The following LASP1 variants were observed in gnomAD, a reference collection of about 807,000 sequenced individuals.
LASP1 encodes LIM and SH3 protein 1.
In LASP1, 10 loss-of-function variants were observed where a neutral mutation model predicts 38.6. That is an observed-to-expected ratio of 0.26 (90% confidence interval 0.16 to 0.44). The LOEUF (loss-of-function observed/expected upper bound fraction) is 0.44, where lower values mean the gene tolerates loss of function less well. LASP1 is among the 20% of genes least tolerant of loss of function. LASP1 has a pLI of 1.00. For synonymous variants in LASP1, 132 were observed against 140.8 expected, an observed-to-expected ratio of 0.94 and a Z score of 0.44; for missense variants, 243 against 375.7, an observed-to-expected ratio of 0.65 and a Z score of 2.92.
chr17:38,886,283 G>A (rs1385900814), intron 2 of LASP1, among the ~76,000 whole-genome samples: 1 of 152,038 alleles, frequency 6.6e-6, no homozygotes, highest in Non-Finnish European at 1.5e-5. Flanking sequence ...TCTCGCCAGG[G>A]CTGGGGGCTG....
At chr17:38,897,371 T>C (rs1914517992) in intron 3 of LASP1, among the ~76,000 whole-genome samples, 1 of 152,230 alleles carries the variant, frequency 6.6e-6, no homozygotes, top group South Asian at 2.1e-4. Flanking sequence ...CCTGGGTTTG[T>C]GTCCTGGGCT....
Position 38,894,999 on chromosome 17 carries a change from A to G in LASP1, c.250-3413A>G, listed in dbSNP as rs569965353. Reference sequence around the variant, plus strand: ...GTGATCTGCCCACCTCAGCCTCCCAAAGTGCTGGGATTACAGGTGTCAGCC... The same window carrying G: ...GTGATCTGCCCACCTCAGCCTCCCAGAGTGCTGGGATTACAGGTGTCAGCC... On this transcript the variant is annotated intron_variant, in intron 3 of 6. Transcript: ENST00000318008. Among the ~76,000 whole-genome samples, 4 of 152,120 alleles carry G rather than the reference A, an allele frequency of 2.6e-5. No individual in the cohort carries two copies. The South Asian group carries it at 8.3e-4, about 32-fold the overall frequency.
Position 38,921,121 on chromosome 17 carries a change from G to C in LASP1, c.*2343G>C. 4.3e-6 allele frequency: 1 copy of C among 229,894 alleles called. No individual in the cohort carries two copies. Among genetic ancestry groups the C allele is most frequent in the Admixed American group, 5.7e-5 (1 of 17,676 alleles). 14.2% of individuals were successfully genotyped at this position (229,894 alleles called of 1,614,324 possible). On this transcript the variant is annotated 3_prime_UTR_variant, in exon 7 of 7. Coordinates refer to ENST00000318008, the MANE Select transcript of LASP1 (RefSeq NM_006148.4). ...CTGTCACACTGGTGCTGAGTGACCG[G>C]GGGCTGCTGGGCGTCTGTTCTTTAC...
chr17:38,889,544 C>T (rs1020859555), intron 2 of LASP1, among the ~76,000 whole-genome samples: 3 of 152,324 alleles, frequency 2.0e-5, no homozygotes, highest in Non-Finnish European at 4.4e-5. Context: ...GAAAATTCCA[C>T]ACCTGGCCTC....
chr17:38,912,849 C>T (rs1366561860), intron 4 of LASP1, among the ~76,000 whole-genome samples: 3 of 152,226 alleles, frequency 2.0e-5, no homozygotes, highest in African/African-American at 2.4e-5. Flanking sequence ...GGCGCCGAGG[C>T]TCTGGACACA....
At chr17:38,882,754 C>T (rs1264080278) in intron 2 of LASP1, among the ~76,000 whole-genome samples, 1 of 152,196 alleles carries the variant, frequency 6.6e-6, no homozygotes, top group Non-Finnish European at 1.5e-5. Context: ...GTTCCCTCCT[C>T]TTTAGGGCCC....
At chr17:38,900,381 A>AAAAAAAAAG (rs1914609164) in intron 4 of LASP1, among the ~76,000 whole-genome samples, 1 of 34,172 alleles carries the variant, frequency 2.9e-5, no homozygotes, top group African/African-American at 9.6e-5. Flanking sequence ...CCCTGTTTCC[A>AAAAAAAAAG]AAAAAAAAAA....
rs558163953 is a variant in LASP1 at position 38,886,133 on chromosome 17, T to A, written c.165-4287T>A. ...CTCACTCGCTCTCTCACTCTCACTCTCTCTCTCTCTCTCTCTGTCTCGCTC... is the reference window on the plus strand; with the variant it reads ...CTCACTCGCTCTCTCACTCTCACTCACTCTCTCTCTCTCTCTGTCTCGCTC... On this transcript the variant is annotated intron_variant, in intron 2 of 6. Coordinates refer to ENST00000318008, the MANE Select transcript of LASP1 (RefSeq NM_006148.4). 2.0e-5 allele frequency among the ~76,000 whole-genome samples: 3 copies of A among 151,188 alleles called. No individual in the cohort carries two copies. In the South Asian group the frequency reaches 6.3e-4, roughly 32 times the overall value.
chr17:38,876,917 A>C (rs1913797093), intron 1 of LASP1, among the ~76,000 whole-genome samples: 1 of 151,286 alleles, frequency 6.6e-6, no homozygotes, highest in Non-Finnish European at 1.5e-5. Context: ...GTTAGCCAGG[A>C]TGGTCTCGAT....
At position 38,890,459 on chromosome 17, in the gene LASP1, C is replaced by T. The variant is rs959025153; in HGVS notation, c.204C>T (p.Thr68=). 1.3e-5 allele frequency: 21 copies of T among 1,613,952 alleles called. No individual in the cohort carries two copies. The highest frequency in any genetic ancestry group is 1.8e-5 in the Non-Finnish European group (21 of 1,180,008). The change falls in exon 3 of 7, where the codon ACC becomes ACT. Residue 68 remains threonine (T), a synonymous_variant. Transcript: ENST00000318008. ...AGTCCTTCACCATGGTGGCGGACAC[C>T]CCGGAAAACCTTCGCCTCAAGCAAC... ...PKQSFTMVAD[T]PENLRLKQQS...
intron 2 of LASP1, among the ~76,000 whole-genome samples, chr17:38,879,692 C>T (rs1913886210): frequency 6.6e-6 from 1 of 151,910 alleles, no homozygotes; most frequent in Non-Finnish European, 1.5e-5. Flanking sequence ...CTAACCTTAC[C>T]CCAAACCTTC....
chr17:38,898,268 C>T, intron 3 of LASP1, 144 bp from the exon 4 acceptor site: 1 of 587,056 alleles, frequency 1.7e-6, no homozygotes, highest in Non-Finnish European at 3.0e-6. Flanking sequence ...GAGGCCTCTG[C>T]TTTGAGTTGG....
In LASP1 at chr17:38,878,206, T is replaced by C. The variant is rs773924780; in HGVS notation, c.164+26T>C. 16 of 1,544,846 alleles carry C rather than the reference T, an allele frequency of 1.0e-5. No homozygotes were observed. The East Asian group carries it at 3.2e-4, about 30-fold the overall frequency. Reference sequence around the variant, plus strand: ...GTGAGTCCTGTTCTGGGCAGGGGGCTGGGTGGGCACCTTGGCTCCCTCCCC... The same window carrying C: ...GTGAGTCCTGTTCTGGGCAGGGGGCCGGGTGGGCACCTTGGCTCCCTCCCC... On this transcript the variant is annotated intron_variant, in intron 2 of 6. Coordinates refer to ENST00000318008, the MANE Select transcript of LASP1 (RefSeq NM_006148.4).
chr17:38,874,330 G>A (rs1040717886), intron 1 of LASP1, among the ~76,000 whole-genome samples: 1 of 152,184 alleles, frequency 6.6e-6, no homozygotes. Flanking sequence ...TCACTGTGGG[G>A]TCCTCTGGAC....
In LASP1 at chr17:38,918,820, T is replaced by C; in HGVS notation, c.*42T>C. 6.2e-7 allele frequency: 1 copy of C among 1,604,758 alleles called. No homozygotes were observed. The highest frequency in any genetic ancestry group is 8.5e-7 in the Non-Finnish European group (1 of 1,174,992). On this transcript the variant is annotated 3_prime_UTR_variant, in exon 7 of 7. Transcript: ENST00000318008. The surrounding 1 kb of genome is among the most constrained non-coding windows in gnomAD (Gnocchi z 4.4). ...TCTGTCTTCAGCACATTCCACGGCA[T>C]CGCATCCGTCCTGGGCGTGACCCGT...
chr17:38,887,374 A>AG (rs1246469209), intron 2 of LASP1, among the ~76,000 whole-genome samples: 2 of 152,102 alleles, frequency 1.3e-5, no homozygotes, highest in Non-Finnish European at 2.9e-5. Flanking sequence ...GCCCTGCTAG[A>AG]GATCTTCCCT....
At chr17:38,872,220 TC>T (rs907132422) in intron 1 of LASP1, among the ~76,000 whole-genome samples, 2 of 152,068 alleles carry the variant, frequency 1.3e-5, no homozygotes, top group Non-Finnish European at 2.9e-5. Flanking sequence ...TGCACTAAAG[TC>T]CCTGAGTGCT....
chr17:38,909,779 ACT>A (rs1427416666), intron 4 of LASP1, among the ~76,000 whole-genome samples: 2 of 151,774 alleles, frequency 1.3e-5, no homozygotes, highest in African/African-American at 4.8e-5. Context: ...AGATGGACTC[ACT>A]CTGTCTCCCA....
intron 1 of LASP1, among the ~76,000 whole-genome samples, chr17:38,877,704 T>A (rs1913820280): frequency 6.6e-6 from 1 of 152,112 alleles, no homozygotes; most frequent in Non-Finnish European, 1.5e-5. Context: ...GGCTGCTCCC[T>A]AGCAACCCAG....
Sources: gnomAD v4.1 joint callset for allele counts (sites outside exome capture counted in the v4.1 genomes callset) on GRCh38, gnomAD v4.1.1 for gene constraint, Gnocchi (gnomAD v3.1) non-coding constraint, MANE v1.5 for transcripts, NCBI Gene and HGNC (gene_info 2026-07-23, HGNC 2026-07-21) for gene names.